The following TDRD3 variants were observed in gnomAD, a reference collection of about 807,000 sequenced individuals.
The protein encoded by TDRD3 is tudor domain-containing protein 3.
Under a neutral mutation model 86.7 loss-of-function variants are expected in TDRD3, and 45 were observed. The observed-to-expected ratio is 0.52, with a 90% CI of 0.41 to 0.67. The LOEUF (loss-of-function observed/expected upper bound fraction) is 0.67. Ranked by LOEUF, TDRD3 falls within the 30% of genes least tolerant of loss-of-function variation. The pLI, the probability that TDRD3 is intolerant of heterozygous loss-of-function variation, is 0.00. For synonymous variants in TDRD3, 298 were observed against 301.7 expected (o/e 0.99, Z 0.13); for missense variants, 814 against 889.0 (o/e 0.92, Z 1.07).
At chr13:60,534,967 G>A in intron 11 of TDRD3, 141 bp from the exon 12 acceptor site, 2 of 634,932 alleles carry the variant, frequency 3.1e-6, no homozygotes, top group South Asian at 2.4e-5. Context: ...TTACTAATGT[G>A]ACTCAAAAGG....
At chr13:60,521,971 G>A (rs1957296849) in intron 10 of TDRD3, among the ~76,000 whole-genome samples, 1 of 152,120 alleles carries the variant, frequency 6.6e-6, no homozygotes, top group Non-Finnish European at 1.5e-5. Flanking sequence ...ATATCTGGAA[G>A]TGGGATTTGA....
chr13:60,544,798 T>C (rs376433687), intron 12 of TDRD3, among the ~76,000 whole-genome samples: 1 of 152,164 alleles, frequency 6.6e-6, no homozygotes, highest in South Asian at 2.1e-4. Context: ...ACTTGAGAGA[T>C]TTCAAAGTGA....
Position 60,529,021 on chromosome 13 carries a change from G to A in TDRD3, c.1796G>A (p.Arg599Gln), listed in dbSNP as rs147499826. 334 of 1,614,002 alleles carry A rather than the reference G, an allele frequency of 2.1e-4. 3 individuals carry two copies. Among genetic ancestry groups the A allele is most frequent in the Middle Eastern group, 1.5e-3 (9 of 6,062 alleles). ...GEVEMPLKGR[R>Q]IGPIKPAGPV... ...GTAGAAATGCCACTGAAAGGAAGACGAATAGGACCTATTAAGCCAGCAGGA... is the reference window on the plus strand; with the variant it reads ...GTAGAAATGCCACTGAAAGGAAGACAAATAGGACCTATTAAGCCAGCAGGA... Residue 599 changes from arginine to glutamine, a missense_variant, in exon 11 of 14, where the codon CGA becomes CAA. By Grantham distance (43) the Arg-to-Gln change is conservative (BLOSUM62 1). Coordinates refer to ENST00000377881, the MANE Select transcript of TDRD3 (RefSeq NM_001146070.2).
chr13:60,540,963 A>C (rs1171309235), intron 12 of TDRD3, among the ~76,000 whole-genome samples: 1 of 152,144 alleles, frequency 6.6e-6, no homozygotes, highest in Non-Finnish European at 1.5e-5. Flanking sequence ...ATAATAATGC[A>C]TCTGTTTCTA....
intron 5 of TDRD3, among the ~76,000 whole-genome samples, chr13:60,474,955 AT>A (rs1397647501): frequency 5.3e-5 from 8 of 150,820 alleles, no homozygotes; most frequent in Non-Finnish European, 7.4e-5. Flanking sequence ...GATTTTTTAA[AT>A]TTTTCTTAAG....
intron 10 of TDRD3, among the ~76,000 whole-genome samples, chr13:60,524,318 C>G (rs967221490): frequency 6.6e-5 from 10 of 151,870 alleles, no homozygotes; most frequent in Non-Finnish European, 1.3e-4. Context: ...ACCAGCCTGG[C>G]CAATATGGTG....
intron 5 of TDRD3, among the ~76,000 whole-genome samples, chr13:60,482,249 A>G (rs1175342036): frequency 6.6e-6 from 1 of 152,126 alleles, no homozygotes; most frequent in Non-Finnish European, 1.5e-5. Flanking sequence ...TTGAACTGTG[A>G]GACTGATATT....
intron 3 of TDRD3, among the ~76,000 whole-genome samples, chr13:60,450,789 G>A (rs1159139841): frequency 3.9e-5 from 6 of 152,134 alleles, no homozygotes; most frequent in African/African-American, 7.2e-5. Context: ...TATGTCAAAG[G>A]TGTGTACAAT....
intron 10 of TDRD3, among the ~76,000 whole-genome samples, chr13:60,514,599 C>G (rs1187092485): frequency 6.6e-6 from 1 of 152,068 alleles, no homozygotes; most frequent in Non-Finnish European, 1.5e-5. Context: ...AGTGTTGGGG[C>G]AGTCCAAGTG....
chr13:60,504,890 G>A, intron 8 of TDRD3, among the ~76,000 whole-genome samples: 1 of 152,186 alleles, frequency 6.6e-6, no homozygotes. Context: ...GTGCCATGAG[G>A]AATAGTGGAC....
Position 60,508,893 on chromosome 13 carries a change from A to G in TDRD3, c.859-870A>G, listed in dbSNP as rs148083965. Among the ~76,000 whole-genome samples, 1,521 of 152,266 alleles carry G rather than the reference A, an allele frequency of 1.0e-2. 13 individuals carry two copies. Among genetic ancestry groups the G allele is most frequent in the Middle Eastern group, 0.02 (6 of 294 alleles). ...TTACAAAGCCTACAAAAGGCAGGAA[A>G]ATTTAGCCCATTCACAAGAAAAAGA... On this transcript the variant is annotated intron_variant, in intron 8 of 13. Transcript: ENST00000377881.
chr13:60,478,885 C>A (rs1161618947), intron 5 of TDRD3, among the ~76,000 whole-genome samples: 1 of 149,344 alleles, frequency 6.7e-6, no homozygotes, highest in Non-Finnish European at 1.5e-5. Context: ...CTCACTGCAA[C>A]CTCTGCTTCT....
chr13:60,557,146 C>T (rs1028087631), intron 12 of TDRD3, among the ~76,000 whole-genome samples: 1 of 138,540 alleles, frequency 7.2e-6, no homozygotes, highest in Admixed American at 8.0e-5. Flanking sequence ...GCGGAGCTTG[C>T]GGTGAGCCGA....
rs775194154 is a variant in TDRD3 at position 60,397,355 on chromosome 13, A to T, written c.-10A>T. The T allele has an allele frequency of 4.7e-6, 7 of 1,483,328 alleles. No homozygotes were observed. The South Asian group carries it at 8.9e-5, about 19-fold the overall frequency. 91.9% of individuals were successfully genotyped at this position (1,483,328 alleles called of 1,614,324 possible). On this transcript the variant is annotated 5_prime_UTR_variant, in exon 1 of 14. It adds an upstream start codon to the 5' untranslated region. Coordinates refer to ENST00000377881, the MANE Select transcript of TDRD3 (RefSeq NM_001146070.2). ...CCAGCCCCCCACCACCCCCGGCCTA[A>T]GCAGCTACCATGGCCCAGGTGGCCG...
chr13:60,530,647 G>C (rs1365013627), intron 11 of TDRD3, among the ~76,000 whole-genome samples: 1 of 150,384 alleles, frequency 6.6e-6, no homozygotes. Flanking sequence ...TAGAGACAGG[G>C]TTTCACCATG....
At chr13:60,408,192 T>G (rs1203312528) in intron 1 of TDRD3, among the ~76,000 whole-genome samples, 1 of 152,174 alleles carries the variant, frequency 6.6e-6, no homozygotes, top group Non-Finnish European at 1.5e-5. Context: ...AAAAGTGCCT[T>G]TCACCTCCCG....
chr13:60,398,727 T>C (rs1032878038), intron 1 of TDRD3, among the ~76,000 whole-genome samples: 1 of 152,244 alleles, frequency 6.6e-6, no homozygotes, highest in African/African-American at 2.4e-5. Context: ...AGGGCCTGGC[T>C]CTGGGCCTGG....
At chr13:60,410,582 G>A (rs911340332) in intron 1 of TDRD3, among the ~76,000 whole-genome samples, 15 of 152,146 alleles carry the variant, frequency 9.9e-5, no homozygotes, top group African/African-American at 3.6e-4. Flanking sequence ...CTACTCCTAG[G>A]AATTGGCCAC....
At chr13:60,454,564 G>T (rs1345043614) in intron 3 of TDRD3, among the ~76,000 whole-genome samples, 1 of 151,938 alleles carries the variant, frequency 6.6e-6, no homozygotes, top group African/African-American at 2.4e-5. Flanking sequence ...GCTTCTTTCT[G>T]CCTTGAGCTA....
Sources: allele counts gnomAD v4.1 joint callset (sites outside exome capture counted in the v4.1 genomes callset), GRCh38; gene constraint gnomAD v4.1.1; transcripts MANE v1.5; gene names NCBI Gene and HGNC (gene_info 2026-07-23, HGNC 2026-07-21).